NDUFS4: variants seen among roughly 807,000 people sequenced by gnomAD.
NDUFS4 encodes NADH dehydrogenase [ubiquinone] iron-sulfur protein 4, mitochondrial.
In NDUFS4, 28 loss-of-function variants were observed where a neutral mutation model predicts 24.3. The ratio of observed to expected loss-of-function variants is 1.15; its 90% CI spans 0.85 to 1.58. The LOEUF (loss-of-function observed/expected upper bound fraction) is 1.58, where lower values mean the gene tolerates loss of function less well. Among genes scored for constraint, NDUFS4 ranks in the 40% most tolerant of loss-of-function variants. NDUFS4 has a pLI of 0.00. For synonymous variants in NDUFS4, 93 were observed against 69.7 expected (o/e 1.34, Z -1.67); for missense variants, 223 against 207.9 (o/e 1.07, Z -0.45).
chr5:53,638,437 A>G (rs1428655955), intron 2 of NDUFS4, among the ~76,000 whole-genome samples: 1 of 152,136 alleles, frequency 6.6e-6, no homozygotes, highest in East Asian at 1.9e-4. Context: ...CCAAAGTGAC[A>G]AAAGATTTTA....
intron 3 of NDUFS4, among the ~76,000 whole-genome samples, chr5:53,657,722 C>T (rs571021746): frequency 2.0e-5 from 3 of 151,778 alleles, no homozygotes; most frequent in East Asian, 1.9e-4. Context: ...GTCAGGAGTT[C>T]GAGACCAGCC....
At chr5:53,649,671 T>A (rs1386998495) in intron 3 of NDUFS4, among the ~76,000 whole-genome samples, 2 of 152,200 alleles carry the variant, frequency 1.3e-5, no homozygotes, top group South Asian at 2.1e-4. Flanking sequence ...ATAAAATGAG[T>A]TATTTTTCTT....
At chr5:53,682,566 T>TAATCAATC (rs138305700) in intron 4 of NDUFS4, among the ~76,000 whole-genome samples, 4 of 152,046 alleles carry the variant, frequency 2.6e-5, no homozygotes, top group Admixed American at 2.0e-4. Context: ...TTTTTGAGTT[T>TAATCAATC]AATCAGTAGC....
At chr5:53,588,124 T>G (rs1213432544) in intron 1 of NDUFS4, among the ~76,000 whole-genome samples, 1 of 152,098 alleles carries the variant, frequency 6.6e-6, no homozygotes, top group Admixed American at 6.5e-5. Flanking sequence ...TCACACAAAT[T>G]TTTTGGTTTC....
intron 2 of NDUFS4, among the ~76,000 whole-genome samples, chr5:53,632,814 C>T (rs1410282424): frequency 6.6e-6 from 1 of 152,158 alleles, no homozygotes; most frequent in African/African-American, 2.4e-5. Flanking sequence ...GAGTGGTAGT[C>T]TGATCCCATT....
At chr5:53,596,613 A>G (rs576781710) in intron 1 of NDUFS4, among the ~76,000 whole-genome samples, 12 of 152,356 alleles carry the variant, frequency 7.9e-5, no homozygotes, top group Admixed American at 5.2e-4. Context: ...GAAAGTTTTC[A>G]AAGGTTTAAT....
In NDUFS4 at chr5:53,678,709, A is replaced by AT. The variant is rs373760273; in HGVS notation, c.425-4406dup. Among the ~76,000 whole-genome samples the AT allele has an allele frequency of 2.4e-3, 360 of 152,308 alleles. 5 individuals carry two copies. The highest frequency in any genetic ancestry group is 8.1e-3 in the African/African-American group (336 of 41,574). On this transcript the variant is annotated intron_variant, in intron 4 of 4. Coordinates refer to ENST00000296684, the MANE Select transcript of NDUFS4 (RefSeq NM_002495.4). ...GTTAAAGAAAGACATTCTTATAGAA[A>AT]TTTAAACATTTAATATCTACATTTT... is the stretch of plus-strand genomic sequence containing the variant.
intron 2 of NDUFS4, among the ~76,000 whole-genome samples, chr5:53,608,980 T>C (rs1750614179): frequency 6.6e-6 from 1 of 152,182 alleles, no homozygotes; most frequent in Non-Finnish European, 1.5e-5. Context: ...ATCTAGGTGC[T>C]CTCTGAATAT....
chr5:53,586,888 A>G (rs938957935), intron 1 of NDUFS4, among the ~76,000 whole-genome samples: 2 of 151,970 alleles, frequency 1.3e-5, no homozygotes, highest in African/African-American at 4.8e-5. Flanking sequence ...CATTGGCACA[A>G]TATCGGCTCA....
intron 1 of NDUFS4, among the ~76,000 whole-genome samples, chr5:53,593,053 G>A (rs1579847950): frequency 1.3e-5 from 2 of 152,170 alleles, no homozygotes; most frequent in South Asian, 4.1e-4. Context: ...GGGTAATGCT[G>A]GTCCCATAGA....
intron 2 of NDUFS4, among the ~76,000 whole-genome samples, chr5:53,620,064 C>T (rs952297696): frequency 2.0e-5 from 3 of 151,774 alleles, no homozygotes; most frequent in African/African-American, 7.3e-5. Context: ...GGAGGATTGC[C>T]TGAGCCCAGG....
chr5:53,622,266 C>T (rs1050830370), intron 2 of NDUFS4, among the ~76,000 whole-genome samples: 1 of 152,086 alleles, frequency 6.6e-6, no homozygotes, highest in African/African-American at 2.4e-5. Flanking sequence ...TTTTGACAGA[C>T]CTTGTCTTAG....
chr5:53,641,248 ACCC>A (rs1289881052), intron 2 of NDUFS4, among the ~76,000 whole-genome samples: 3 of 152,236 alleles, frequency 2.0e-5, no homozygotes, highest in African/African-American at 7.2e-5. Context: ...TGGGATTCCA[ACCC>A]AGTTTTGACT....
intron 4 of NDUFS4, among the ~76,000 whole-genome samples, chr5:53,668,504 G>A (rs1030209679): frequency 6.6e-6 from 1 of 151,958 alleles, no homozygotes; most frequent in African/African-American, 2.4e-5. Flanking sequence ...TGTCACCCAG[G>A]CTGGAGTGCA....
At chr5:53,583,231 G>A (rs1201703672) in intron 1 of NDUFS4, among the ~76,000 whole-genome samples, 1 of 152,024 alleles carries the variant, frequency 6.6e-6, no homozygotes, top group Non-Finnish European at 1.5e-5. Context: ...TAGCCATCAT[G>A]GACAATGTCA....
intron 2 of NDUFS4, among the ~76,000 whole-genome samples, chr5:53,645,548 G>T (rs989179693): frequency 2.0e-5 from 3 of 152,080 alleles, no homozygotes; most frequent in Non-Finnish European, 4.4e-5. Context: ...TAGAAAAATC[G>T]AGTTAAAGTT....
chr5:53,648,241 G>A (rs2112509865), intron 3 of NDUFS4, among the ~76,000 whole-genome samples: 2 of 152,242 alleles, frequency 1.3e-5, no homozygotes, highest in Middle Eastern at 6.8e-3. Context: ...TATAAGGAAG[G>A]GATGGAATCG....
At chr5:53,676,878 A>T (rs776406961) in intron 4 of NDUFS4, among the ~76,000 whole-genome samples, 2 of 152,120 alleles carry the variant, frequency 1.3e-5, no homozygotes, top group South Asian at 2.1e-4. Flanking sequence ...TTTCCTCCCA[A>T]TGTTTAATCC....
chr5:53,663,044 A>G lies in NDUFS4; in HGVS notation c.424+4420A>G, dbSNP rs1048094038. 2.7e-4 allele frequency among the ~76,000 whole-genome samples: 41 copies of G among 152,062 alleles called. 1 individual carries two copies. Among genetic ancestry groups the G allele is most frequent in the African/African-American group, 9.9e-4 (41 of 41,386 alleles). On this transcript the variant is annotated intron_variant, in intron 4 of 4. Transcript: ENST00000296684. ...GTGTCTTTGTTCTCGTTGGTTTCAAAGAACATCTTTATTTCTGCCTTCATT... is the reference window on the plus strand; with the variant it reads ...GTGTCTTTGTTCTCGTTGGTTTCAAGGAACATCTTTATTTCTGCCTTCATT...
Sources: gnomAD v4.1 joint callset for allele counts (sites outside exome capture counted in the v4.1 genomes callset) on GRCh38, gnomAD v4.1.1 for gene constraint, MANE v1.5 for transcripts, NCBI Gene and HGNC (gene_info 2026-07-23, HGNC 2026-07-21) for gene names.